The following PTPRK variants were observed in gnomAD, a reference collection of about 807,000 sequenced individuals.
PTPRK encodes the protein protein tyrosine phosphatase receptor type K, also known as receptor-type tyrosine-protein phosphatase kappa.
A neutral mutation model predicts 178.0 loss-of-function variants in PTPRK; 75 were observed. The ratio of observed to expected loss-of-function variants is 0.42; its 90% CI spans 0.35 to 0.51. The LOEUF is 0.51. Among genes scored for constraint, PTPRK ranks in the 20% least tolerant of loss-of-function variants. The pLI is 0.02. For synonymous variants in PTPRK, 637 were observed against 620.6 expected (o/e 1.03, Z -0.39); for missense variants, 1,441 against 1,797.8 (o/e 0.80, Z 3.59).
intron 1 of PTPRK, among the ~76,000 whole-genome samples, chr6:128,506,918 C>A (rs946534836): frequency 8.6e-5 from 13 of 152,044 alleles, no homozygotes; most frequent in Non-Finnish European, 1.5e-4. Context: ...ATTCTGCAAA[C>A]ACTGGCAATT....
At chr6:127,995,596 T>C in intron 17 of PTPRK, 58 bp from the exon 18 acceptor site, 3 of 1,075,620 alleles carry the variant, frequency 2.8e-6, no homozygotes, top group South Asian at 3.2e-5. Flanking sequence ...TCTGAGACAA[T>C]GTCATTGGTA....
chr6:127,996,889 A>C lies in PTPRK; in HGVS notation c.2767+12T>G, dbSNP rs748442204. On this transcript the variant is annotated intron_variant, in intron 17 of 29. Transcript: ENST00000368226. ...AATATTTACATTCACCAAGAATTGA[A>C]TGGGAACTTACATGCTATAATGTTT... The C allele has an allele frequency of 1.4e-5, 23 of 1,606,250 alleles. No homozygotes were observed. The highest frequency in any genetic ancestry group is 2.0e-5 in the Non-Finnish European group (23 of 1,175,824).
chr6:128,246,256 T>C (rs1482518569), intron 3 of PTPRK, among the ~76,000 whole-genome samples: 1 of 152,162 alleles, frequency 6.6e-6, no homozygotes, highest in Non-Finnish European at 1.5e-5. Flanking sequence ...ATTCATTAAA[T>C]TATTTTAATT....
At chr6:128,389,171 T>A (rs2128362484) in intron 2 of PTPRK, among the ~76,000 whole-genome samples, 1 of 152,210 alleles carries the variant, frequency 6.6e-6, no homozygotes, top group South Asian at 2.1e-4. Context: ...AGCCAATAAT[T>A]TCCTCTTTGG....
At chr6:127,990,189 C>A (rs1271870364) in intron 21 of PTPRK, among the ~76,000 whole-genome samples, 2 of 152,184 alleles carry the variant, frequency 1.3e-5, no homozygotes, top group East Asian at 3.9e-4. Context: ...TTTGTGATTT[C>A]TCTGCCTTCA....
At chr6:128,517,908 A>G (rs554533362) in intron 1 of PTPRK, among the ~76,000 whole-genome samples, 7 of 152,368 alleles carry the variant, frequency 4.6e-5, no homozygotes, top group African/African-American at 1.7e-4. Flanking sequence ...AAAGTAAAAT[A>G]TAAGAAAAAC....
intron 6 of PTPRK, among the ~76,000 whole-genome samples, chr6:128,208,232 CA>C (rs1186175938): frequency 6.6e-6 from 1 of 150,708 alleles, no homozygotes; most frequent in Non-Finnish European, 1.5e-5. Context: ...ATTTTCAAAC[CA>C]CCCACTACAG....
intron 3 of PTPRK, among the ~76,000 whole-genome samples, chr6:128,277,548 T>C (rs986846113): frequency 2.0e-5 from 3 of 152,168 alleles, no homozygotes; most frequent in African/African-American, 7.2e-5. Context: ...CTGCTGACCC[T>C]GACTCTCGAA....
chr6:128,222,237 T>G (rs944550811), intron 5 of PTPRK, among the ~76,000 whole-genome samples: 2 of 152,202 alleles, frequency 1.3e-5, no homozygotes, highest in Non-Finnish European at 2.9e-5. Flanking sequence ...TCAATAATCA[T>G]TATTCCATCT....
intron 13 of PTPRK, among the ~76,000 whole-genome samples, chr6:128,023,981 T>A (rs1221943768): frequency 2.0e-5 from 3 of 152,086 alleles, no homozygotes; most frequent in Admixed American, 2.0e-4. Context: ...ATCTCTTATT[T>A]TAAACTCAAA....
At chr6:128,302,895 G>A (rs916074706) in intron 3 of PTPRK, among the ~76,000 whole-genome samples, 5 of 151,770 alleles carry the variant, frequency 3.3e-5, no homozygotes, top group Admixed American at 1.3e-4. Context: ...CACATGGCTG[G>A]CCCACAGTCA....
chr6:128,032,295 G>C (rs908230710), intron 13 of PTPRK, among the ~76,000 whole-genome samples: 5 of 152,086 alleles, frequency 3.3e-5, no homozygotes, highest in Admixed American at 3.3e-4. Context: ...TCTATGCTGT[G>C]TTTTTCAGCC....
chr6:128,065,972 C>T (rs751580780), intron 12 of PTPRK, among the ~76,000 whole-genome samples: 39 of 152,046 alleles, frequency 2.6e-4, no homozygotes, highest in Non-Finnish European at 4.4e-4. Context: ...AACCACAGTG[C>T]AGATATATTA....
chr6:127,976,606 G>A (rs200522616), intron 27 of PTPRK, 51 bp downstream of exon 27: 3 of 1,602,996 alleles, frequency 1.9e-6, no homozygotes, highest in Non-Finnish European at 2.6e-6. Context: ...CCACATCTTG[G>A]TTATGACTGA....
chr6:127,984,835 A>T (rs1423014183), intron 22 of PTPRK, among the ~76,000 whole-genome samples: 9 of 152,132 alleles, frequency 5.9e-5, no homozygotes, highest in Admixed American at 5.9e-4. Context: ...AGATTTCATG[A>T]GGAGGATTGA....
chr6:128,452,358 T>A (rs1176170954), intron 1 of PTPRK, among the ~76,000 whole-genome samples: 3 of 152,334 alleles, frequency 2.0e-5, no homozygotes, highest in East Asian at 3.9e-4. Flanking sequence ...AGTTAATAAG[T>A]TGCTGGTTGT....
At chr6:127,981,363 T>C in intron 24 of PTPRK, 74 bp from the exon 25 acceptor site, 1 of 1,308,760 alleles carries the variant, frequency 7.6e-7, no homozygotes, top group South Asian at 1.4e-5. Flanking sequence ...CCATCAGGAA[T>C]TTAGAAGGCC....
At chr6:128,002,849 A>G (rs1004448510) in intron 15 of PTPRK, among the ~76,000 whole-genome samples, 1 of 151,926 alleles carries the variant, frequency 6.6e-6, no homozygotes, top group Non-Finnish European at 1.5e-5. Context: ...GTAGACTTTT[A>G]CATATAAACT....
At chr6:128,061,304 A>C (rs1780771336) in intron 13 of PTPRK, among the ~76,000 whole-genome samples, 10 of 152,130 alleles carry the variant, frequency 6.6e-5, no homozygotes, top group Admixed American at 5.9e-4. Flanking sequence ...CTACATTTGG[A>C]ATGTTTTAAG....
Sources: allele counts gnomAD v4.1 joint callset (sites outside exome capture counted in the v4.1 genomes callset), GRCh38; gene constraint gnomAD v4.1.1; transcripts MANE v1.5; gene names NCBI Gene and HGNC (gene_info 2026-07-23, HGNC 2026-07-21).